The following NIF3L1 variants were observed in gnomAD, a reference collection of about 807,000 sequenced individuals.
NIF3L1 encodes the protein NGG1 interacting factor 3 like 1.
NIF3L1 carries 26 observed loss-of-function variants against 35.0 expected under a neutral mutation model. The observed-to-expected ratio is 0.74, with a 90% CI of 0.54 to 1.03. NIF3L1 has a LOEUF of 1.03. Ranked by LOEUF, NIF3L1 falls within the 50% of genes least tolerant of loss-of-function variation. The probability of loss-of-function intolerance (pLI) is 0.00; values close to 1 mark genes in which losing one functional copy is unlikely to be tolerated. For missense variants in NIF3L1, 449 were observed against 466.3 expected (o/e 0.96, Z 0.34); for synonymous variants, 157 against 178.9 (o/e 0.88, Z 0.98).
chr2:200,902,718 C>T (rs1274355905), intron 6 of NIF3L1, among the ~76,000 whole-genome samples: 2 of 152,150 alleles, frequency 1.3e-5, no homozygotes, highest in African/African-American at 4.8e-5. Context: ...ATCTTAAATT[C>T]ATTTCATCCT....
chr2:200,902,208 T>G, intron 6 of NIF3L1, among the ~76,000 whole-genome samples: 1 of 152,212 alleles, frequency 6.6e-6, no homozygotes, highest in Non-Finnish European at 1.5e-5. Context: ...ACAAACCTAA[T>G]TGTACACAGT....
chr2:200,890,863 C>T (rs1208679425), intron 1 of NIF3L1, among the ~76,000 whole-genome samples: 4 of 152,066 alleles, frequency 2.6e-5, no homozygotes, highest in African/African-American at 7.2e-5. Flanking sequence ...CTTCTCCCTT[C>T]TTCTGCCTTG....
rs1288722351 is a variant in NIF3L1, at chr2:200,899,294, T to C, written c.866-91T>C. ...TGGTGATGAGACCAGGAGTGAAATC[T>C]GTATTATGTTTAGGATTCTTGGTAC... On this transcript the variant is annotated intron_variant, in intron 5 of 6. Transcript: ENST00000409020. 7.5e-6 allele frequency: 7 copies of C among 933,780 alleles called. No homozygotes were observed. In the East Asian group the frequency reaches 7.6e-5, roughly 10 times the overall value. The allele number at this position is 933,780 out of a possible 1,614,324, so 57.8% of individuals were successfully genotyped here.
At chr2:200,899,153 ACAC>A in intron 5 of NIF3L1, 1 of 385,612 alleles carries the variant, frequency 2.6e-6, no homozygotes, top group South Asian at 7.0e-5. Context: ...AAAAAAAAAA[ACAC>A]AACAAAGGAA....
chr2:200,893,930 T>C (rs1486692756), intron 3 of NIF3L1, among the ~76,000 whole-genome samples: 1 of 152,200 alleles, frequency 6.6e-6, no homozygotes, highest in Non-Finnish European at 1.5e-5. Flanking sequence ...ATCCCAGCAC[T>C]TTGGGAGGCC....
intron 6 of NIF3L1, among the ~76,000 whole-genome samples, chr2:200,903,195 G>A (rs1486127655): frequency 6.6e-6 from 1 of 152,070 alleles, no homozygotes; most frequent in Non-Finnish European, 1.5e-5. Flanking sequence ...AGAGATGGAA[G>A]TTTCACCATG....
Position 200,893,278 on chromosome 2 carries a change from A to G in NIF3L1, c.469A>G (p.Lys157Glu), listed in dbSNP as rs754937497. 7 of 1,573,820 alleles carry G rather than the reference A, an allele frequency of 4.4e-6. No homozygotes were observed. In the East Asian group the frequency reaches 7.0e-5, roughly 16 times the overall value. Residue 157 changes from lysine (K) to glutamate (E), a missense_variant, in exon 3 of 7, where the codon AAA becomes GAA. Lys to Glu is a moderately conservative substitution (Grantham distance 56). Coordinates refer to ENST00000409020, the MANE Select transcript of NIF3L1 (RefSeq NM_001369441.2). ...ACTSRPIHPS[K>E]APNYPTEGNH... ...TACCTCCAGGCCCATACATCCTTCCAAAGCTCCCAACTACCCTACAGAGGG... is the reference window on the plus strand; with the variant it reads ...TACCTCCAGGCCCATACATCCTTCCGAAGCTCCCAACTACCCTACAGAGGG...
chr2:200,893,492 T>C (rs1463183279), intron 3 of NIF3L1, 84 bp downstream of exon 3: 14 of 1,314,176 alleles, frequency 1.1e-5, no homozygotes, highest in Non-Finnish European at 1.5e-5. Flanking sequence ...GTATTTAGGC[T>C]TGAAACAAAT....
intron 3 of NIF3L1, among the ~76,000 whole-genome samples, chr2:200,893,775 T>G (rs2040248050): frequency 2.0e-5 from 3 of 152,208 alleles, no homozygotes; most frequent in Admixed American, 1.3e-4. Context: ...TCCCAAGTGC[T>G]TTTTTATATT....
chr2:200,889,623 G>C lies in NIF3L1; in HGVS notation c.-56G>C, dbSNP rs1231310303. 2 of 155,068 alleles carry C rather than the reference G, an allele frequency of 1.3e-5. No individual in the cohort carries two copies. Among genetic ancestry groups the C allele is most frequent in the Non-Finnish European group, 1.4e-5 (1 of 69,474 alleles). The allele number at this position is 155,068 out of a possible 1,614,324, so 9.6% of individuals were successfully genotyped here. A position where few individuals can be genotyped will look rare whatever the true frequency, so the allele number is the denominator to read the frequency against. On this transcript the variant is annotated 5_prime_UTR_variant, in exon 1 of 7. Transcript: ENST00000409020. ...TTTTTCACTGTCCTGGAAAAGGCCT[G>C]AAGTGGCACTGAAATGAGGCATAGA...
chr2:200,900,109 C>A (rs1211798985), intron 6 of NIF3L1, among the ~76,000 whole-genome samples: 2 of 152,098 alleles, frequency 1.3e-5, no homozygotes, highest in Admixed American at 1.3e-4. Context: ...GTGAACACCC[C>A]CTCTGAGAAG....
Position 200,901,183 on chromosome 2 carries a change from C to A in NIF3L1, c.949+1715C>A, listed in dbSNP as rs372497692. Among the ~76,000 whole-genome samples the A allele has an allele frequency of 7.2e-5, 11 of 151,860 alleles. No individual in the cohort carries two copies. In the East Asian group the frequency reaches 1.7e-3, roughly 24 times the overall value. On this transcript the variant is annotated intron_variant, in intron 6 of 6. Transcript: ENST00000409020. Reference sequence around the variant, plus strand: ...ATATACAGTCCATATTCACATTTTCCCAATTGATAAAAGCTTATAGCATTT... The same window carrying A: ...ATATACAGTCCATATTCACATTTTCACAATTGATAAAAGCTTATAGCATTT...
Position 200,899,326 on chromosome 2 carries a change from T to C in NIF3L1, c.866-59T>C, listed in dbSNP as rs554328319. The C allele has an allele frequency of 1.9e-4, 245 of 1,297,266 alleles. 3 individuals carry two copies. The South Asian group carries it at 2.6e-3, about 14-fold the overall frequency. The allele number at this position is 1,297,266 out of a possible 1,614,324, so 80.4% of individuals were successfully genotyped here. A position where few individuals can be genotyped will look rare whatever the true frequency, so the allele number is the denominator to read the frequency against. Reference sequence around the variant, plus strand: ...TGTTTAGGATTCTTGGTACAAATTATAATAGTAAAATGAAAGGGAATTGTA... The same window carrying C: ...TGTTTAGGATTCTTGGTACAAATTACAATAGTAAAATGAAAGGGAATTGTA... On this transcript the variant is annotated intron_variant, in intron 5 of 6. Transcript: ENST00000409020.
At chr2:200,901,606 C>T (rs1276451192) in intron 6 of NIF3L1, among the ~76,000 whole-genome samples, 1 of 152,194 alleles carries the variant, frequency 6.6e-6, no homozygotes, top group Non-Finnish European at 1.5e-5. Context: ...TGCTGAACTT[C>T]ATCACGCTTC....
At position 200,897,147 on chromosome 2, in the gene NIF3L1, T is replaced by TG. The variant is rs771603270; in HGVS notation, c.799dup (p.Asp267GlyfsTer44). 29 of 1,613,968 alleles carry TG rather than the reference T, an allele frequency of 1.8e-5. 1 individual carries two copies. The South Asian group carries it at 3.2e-4, about 18-fold the overall frequency. Reference sequence around the variant, plus strand: ...AATCTGTCTCCCTGGCAACCATGATTGATCGAATAAAAAGACACCTAAAAC... The same window carrying TG: ...AATCTGTCTCCCTGGCAACCATGATTGGATCGAATAAAAAGACACCTAAAAC... On this transcript the variant is annotated frameshift_variant, in exon 5 of 7. Coordinates refer to ENST00000409020, the MANE Select transcript of NIF3L1 (RefSeq NM_001369441.2). LOFTEE classifies it high-confidence loss of function.
In NIF3L1 at chr2:200,903,418, A is replaced by G. The variant is rs932012337; in HGVS notation, c.950-76A>G. ...ACTTCATATAGACTACAAACTTGGT[A>G]TTTCTGCTTTTGTGTTTCCTCATTC... is the stretch of plus-strand genomic sequence containing the variant. On this transcript the variant is annotated intron_variant, in intron 6 of 6. Transcript: ENST00000409020. The G allele has an allele frequency of 7.6e-6, 9 of 1,181,844 alleles. No individual in the cohort carries two copies. The East Asian group carries it at 1.4e-4, about 18-fold the overall frequency. 73.2% of individuals were successfully genotyped at this position (1,181,844 alleles called of 1,614,324 possible). A position where few individuals can be genotyped will look rare whatever the true frequency, so the allele number is the denominator to read the frequency against.
At chr2:200,891,405 A>G (rs1372093647) in intron 1 of NIF3L1, among the ~76,000 whole-genome samples, 2 of 152,140 alleles carry the variant, frequency 1.3e-5, no homozygotes, top group African/African-American at 2.4e-5. Context: ...GTTAGTTCCT[A>G]TTACATAGTA....
At chr2:200,897,045 C>T (rs1461181624) in intron 4 of NIF3L1, 31 bp from the exon 5 acceptor site, 1 of 1,609,924 alleles carries the variant, frequency 6.2e-7, no homozygotes, top group South Asian at 1.1e-5. Flanking sequence ...ACTAACAATG[C>T]ACACCGTTTC....
At position 200,897,319 on chromosome 2, in the gene NIF3L1, C is replaced by A. The variant is rs565328142; in HGVS notation, c.865+105C>A. On this transcript the variant is annotated intron_variant, in intron 5 of 6. Coordinates refer to ENST00000409020, the MANE Select transcript of NIF3L1 (RefSeq NM_001369441.2). ...TGTGATAGAGAATGTGTTAGCAGCTCATAGGAGATAATTGGTTTACGTTAT... is the reference window on the plus strand; with the variant it reads ...TGTGATAGAGAATGTGTTAGCAGCTAATAGGAGATAATTGGTTTACGTTAT... 4.0e-6 allele frequency: 5 copies of A among 1,258,392 alleles called. No individual in the cohort carries two copies. In the East Asian group the frequency reaches 9.5e-5, roughly 24 times the overall value. The allele number at this position is 1,258,392 out of a possible 1,614,324, so 78.0% of individuals were successfully genotyped here. A position where few individuals can be genotyped will look rare whatever the true frequency, so the allele number is the denominator to read the frequency against.
Sources: gnomAD v4.1 joint callset for allele counts (sites outside exome capture counted in the v4.1 genomes callset) on GRCh38, gnomAD v4.1.1 for gene constraint, MANE v1.5 for transcripts, NCBI Gene and HGNC (gene_info 2026-07-23, HGNC 2026-07-21) for gene names.